Variants in CENPI observed in about 807,000 individuals in gnomAD.
The protein encoded by CENPI is centromere protein I.
CENPI carries 4 observed loss-of-function variants against 60.4 expected under a neutral mutation model. That is an observed-to-expected ratio of 0.07 (90% CI 0.03 to 0.15). The LOEUF (loss-of-function observed/expected upper bound fraction) is 0.15, where lower values mean the gene tolerates loss of function less well. Among genes scored for constraint, CENPI ranks in the 10% least tolerant of loss-of-function variants. The probability of loss-of-function intolerance (pLI) is 1.00; values close to 1 mark genes in which losing one functional copy is unlikely to be tolerated. For missense variants in CENPI, 444 were observed against 534.5 expected, an observed-to-expected ratio of 0.83 and a Z score of 1.67; for synonymous variants, 157 against 189.4, an observed-to-expected ratio of 0.83 and a Z score of 1.40.
intron 15 of CENPI, 41 bp from the exon 16 acceptor site, chrX:101,140,625 G>C: frequency 2.1e-6 from 2 of 961,926 alleles, no homozygotes; most frequent in Non-Finnish European, 3.0e-6. Flanking sequence ...TGTTATGTCT[G>C]AATGATTTCA....
intron 20 of CENPI, among the ~76,000 whole-genome samples, chrX:101,160,375 C>CTTTTTTTTTTTTTTTTT (rs763855508): frequency 2.5e-5 from 2 of 81,427 alleles, no homozygotes; most frequent in Non-Finnish European, 4.7e-5. Context: ...GCTTTTAGTT[C>CTTTTTTTTTTTTTTTTT]TTTTTTTTTT....
chrX:101,141,997 A>G (rs1390591090), intron 16 of CENPI, among the ~76,000 whole-genome samples: 4 of 110,664 alleles, frequency 3.6e-5, no homozygotes, highest in Non-Finnish European at 7.6e-5. Flanking sequence ...CTTCCAAAAT[A>G]TTGGGATCAC....
the CENPI span, among the ~76,000 whole-genome samples, chrX:101,171,541 A>G: frequency 1.8e-5 from 2 of 111,317 alleles, no homozygotes; most frequent in East Asian, 2.8e-4. Flanking sequence ...GGCTCACTCA[A>G]TCTTCCTGCT....
At chrX:101,120,902 G>T (rs1409732037) in intron 8 of CENPI, 118 bp downstream of exon 8, 11 of 553,955 alleles carry the variant, frequency 2.0e-5, no homozygotes, top group African/African-American at 1.4e-4. Context: ...TTGAGACAGG[G>T]TCTCACTCTG....
chrX:101,162,335 T>A (rs2090115614), intron 21 of CENPI, among the ~76,000 whole-genome samples: 1 of 106,007 alleles, frequency 9.4e-6, no homozygotes, highest in African/African-American at 3.5e-5. Flanking sequence ...GTGCCTGTGG[T>A]CCCAGCTACT....
intron 20 of CENPI, among the ~76,000 whole-genome samples, chrX:101,161,068 A>T (rs1242968216): frequency 5.3e-5 from 6 of 112,461 alleles, no homozygotes; most frequent in South Asian, 3.6e-4. Context: ...TATGTTTATA[A>T]AAATGATATA....
chrX:101,102,485 TTA>T (rs374865533), intron 4 of CENPI, 74 bp downstream of exon 4: 98 of 358,292 alleles, frequency 2.7e-4, no homozygotes, highest in Middle Eastern at 1.1e-3. Context: ...AAAATAAATC[TTA>T]TATATATATA....
chrX:101,144,656 T>TA (rs1235169578), intron 16 of CENPI, among the ~76,000 whole-genome samples: 1 of 111,693 alleles, frequency 9.0e-6, no homozygotes. Flanking sequence ...GTGCTGGAAT[T>TA]ACAGGTGTGA....
chrX:101,145,208 C>G lies in CENPI; in HGVS notation c.1701+9C>G, dbSNP rs370566660. 2 of 1,186,361 alleles carry G rather than the reference C, an allele frequency of 1.7e-6. No individual in the cohort carries two copies. Among genetic ancestry groups the G allele is most frequent in the Non-Finnish European group, 2.3e-6 (2 of 878,809 alleles). On this transcript the variant is annotated intron_variant, in intron 17 of 21. Coordinates refer to ENST00000682095, the MANE Select transcript of CENPI (RefSeq NM_001386188.2). Reference sequence around the variant, plus strand: ...TGGATTTCTATGAGAAGGTAGTACACATTACATTTTCCCCATTTGGATTTA... The same window carrying G: ...TGGATTTCTATGAGAAGGTAGTACAGATTACATTTTCCCCATTTGGATTTA...
At chrX:101,130,203 G>A (rs2089781561) in intron 13 of CENPI, 130 bp downstream of exon 13, 2 of 431,318 alleles carry the variant, frequency 4.6e-6, no homozygotes, top group Admixed American at 7.5e-5. Flanking sequence ...GGAGGCCAAG[G>A]CGGGTGGATC....
intron 15 of CENPI, among the ~76,000 whole-genome samples, chrX:101,133,152 C>T (rs966210757): frequency 9.1e-6 from 1 of 109,830 alleles, no homozygotes; most frequent in African/African-American, 3.3e-5. Flanking sequence ...TCCTGGTTAG[C>T]GTTTGTCGTA....
intron 6 of CENPI, among the ~76,000 whole-genome samples, chrX:101,119,773 A>G (rs1291062816): frequency 8.9e-6 from 1 of 112,408 alleles, no homozygotes. Flanking sequence ...AATATGAAGC[A>G]TCATTGAAAA....
At chrX:101,142,183 C>T (rs780830562) in intron 16 of CENPI, among the ~76,000 whole-genome samples, 1 of 112,133 alleles carries the variant, frequency 8.9e-6, no homozygotes, top group South Asian at 3.7e-4. Flanking sequence ...ATTTGGCCAA[C>T]TTGCAGTGTA....
chrX:101,159,677 G>A (rs2090088893), intron 20 of CENPI, among the ~76,000 whole-genome samples: 1 of 109,644 alleles, frequency 9.1e-6, no homozygotes, highest in African/African-American at 3.3e-5. Flanking sequence ...GACCAGGCTG[G>A]TCTCGAACTC....
In CENPI at chrX:101,163,195, C is replaced by T. The variant is rs2090125676; in HGVS notation, c.*228C>T. On this transcript the variant is annotated 3_prime_UTR_variant, in exon 22 of 22. Transcript: ENST00000682095. ...CAGTGAAAAATGACCCCTTCATCAT[C>T]AGGCTCTGCGTTCTACCAAATTGTA... 3.0e-6 allele frequency: 1 copy of T among 334,955 alleles called. No homozygotes were observed. The highest frequency in any genetic ancestry group is 2.7e-5 in the African/African-American group (1 of 36,540). The allele number at this position is 334,955 out of a possible 1,213,427, so 27.6% of individuals were successfully genotyped here.
At chrX:101,170,535 A>T (rs753109537), downstream of CENPI, among the ~76,000 whole-genome samples, 1 of 112,560 alleles carries the variant, frequency 8.9e-6, no homozygotes, top group East Asian at 2.8e-4. Flanking sequence ...AAAAAAGTAG[A>T]CAATCTAATA....
At chrX:101,129,890 CT>C in intron 12 of CENPI, 91 bp from the exon 13 acceptor site, 2 of 596,684 alleles carry the variant, frequency 3.4e-6, no homozygotes, top group South Asian at 5.8e-5. Flanking sequence ...GGCTTTTTTA[CT>C]TTGTCACTTG....
intron 20 of CENPI, among the ~76,000 whole-genome samples, chrX:101,149,271 T>C (rs1391311574): frequency 1.8e-5 from 2 of 111,696 alleles, no homozygotes; most frequent in Admixed American, 1.9e-4. Flanking sequence ...AGTACTCAAC[T>C]TTATCATTGT....
At chrX:101,150,524 A>G (rs1295767490) in intron 20 of CENPI, among the ~76,000 whole-genome samples, 1 of 109,855 alleles carries the variant, frequency 9.1e-6, no homozygotes, top group Non-Finnish European at 1.9e-5. Context: ...GCGTGCGCCA[A>G]CGCTCCTGGC....
Sources: allele counts gnomAD v4.1 joint callset (sites outside exome capture counted in the v4.1 genomes callset), GRCh38; gene constraint gnomAD v4.1.1; transcripts MANE v1.5; gene names NCBI Gene and HGNC (gene_info 2026-07-23, HGNC 2026-07-21).